Variants in NKAIN3 observed in about 807,000 individuals in gnomAD.
NKAIN3 encodes the protein sodium/potassium transporting ATPase interacting 3.
A neutral mutation model predicts 30.2 loss-of-function variants in NKAIN3; 25 were observed. The ratio of observed to expected loss-of-function variants is 0.83; its 90% CI spans 0.60 to 1.16. NKAIN3 has a LOEUF of 1.16. NKAIN3 is among the 50% of genes most tolerant of loss of function. The pLI is 0.00. For missense variants in NKAIN3, 225 were observed against 254.1 expected (o/e 0.89, Z 0.78); for synonymous variants, 91 against 89.6 (o/e 1.02, Z -0.09).
intron 1 of NKAIN3, among the ~76,000 whole-genome samples, chr8:62,321,144 A>G (rs1814879277): frequency 6.6e-6 from 1 of 152,092 alleles, no homozygotes; most frequent in South Asian, 2.1e-4. Context: ...AGGCTTGTGC[A>G]TTTGTCACGT....
chr8:62,768,975 C>T (rs1451453406), intron 4 of NKAIN3, among the ~76,000 whole-genome samples: 4 of 152,130 alleles, frequency 2.6e-5, no homozygotes, highest in Non-Finnish European at 4.4e-5. Flanking sequence ...ATTTTCATTG[C>T]AATGTTGTGG....
At chr8:62,767,158 T>C (rs780466857) in intron 4 of NKAIN3, among the ~76,000 whole-genome samples, 2 of 152,152 alleles carry the variant, frequency 1.3e-5, no homozygotes, top group African/African-American at 2.4e-5. Context: ...TGGGTTCTCA[T>C]TAGGATGGAG....
chr8:62,763,588 G>A (rs780631158), intron 4 of NKAIN3, among the ~76,000 whole-genome samples: 1 of 152,120 alleles, frequency 6.6e-6, no homozygotes. Context: ...ACAATGAAAC[G>A]TGAACAATTA....
At chr8:62,505,910 T>C (rs1227162815) in intron 1 of NKAIN3, among the ~76,000 whole-genome samples, 1 of 152,164 alleles carries the variant, frequency 6.6e-6, no homozygotes, top group Non-Finnish European at 1.5e-5. Context: ...GATTCTTTTA[T>C]GGTGACTCAA....
chr8:62,406,128 CT>C (rs1304297327), intron 1 of NKAIN3, among the ~76,000 whole-genome samples: 1 of 152,208 alleles, frequency 6.6e-6, no homozygotes, highest in Non-Finnish European at 1.5e-5. Context: ...AGAGAAGTCA[CT>C]CCTTATACTT....
At chr8:62,958,863 C>G (rs1823492833) in intron 6 of NKAIN3, among the ~76,000 whole-genome samples, 2 of 152,136 alleles carry the variant, frequency 1.3e-5, no homozygotes, top group South Asian at 4.1e-4. Context: ...AGGACAGCAG[C>G]TGGAATTCCA....
At chr8:62,853,444 G>A (rs1819970913) in intron 4 of NKAIN3, among the ~76,000 whole-genome samples, 1 of 151,990 alleles carries the variant, frequency 6.6e-6, no homozygotes, top group Admixed American at 6.6e-5. Flanking sequence ...GGAGCACTTA[G>A]CCCATTTAGA....
At chr8:62,460,994 G>A (rs1262865960) in intron 1 of NKAIN3, among the ~76,000 whole-genome samples, 1 of 152,208 alleles carries the variant, frequency 6.6e-6, no homozygotes, top group Non-Finnish European at 1.5e-5. Context: ...GACATACACA[G>A]GTATAAGGCT....
chr8:62,272,977 T>C lies in NKAIN3; in HGVS notation c.54+23850T>C, dbSNP rs527247487. 3.9e-5 allele frequency among the ~76,000 whole-genome samples: 6 copies of C among 152,294 alleles called. No individual in the cohort carries two copies. The South Asian group carries it at 8.3e-4, about 21-fold the overall frequency. ...TGGTTAAGGGCCAGATAGCAAATAC[T>C]TTAGATACCAAAGGTCATTCAGTCT... On this transcript the variant is annotated intron_variant, in intron 1 of 6. Coordinates refer to ENST00000623646, the MANE Select transcript of NKAIN3 (RefSeq NM_001304533.3).
At chr8:62,697,053 T>C (rs2130457845) in intron 3 of NKAIN3, among the ~76,000 whole-genome samples, 2 of 152,330 alleles carry the variant, frequency 1.3e-5, no homozygotes, top group Admixed American at 1.3e-4. Context: ...CTGAATCTTT[T>C]CATGCTTGCC....
intron 1 of NKAIN3, among the ~76,000 whole-genome samples, chr8:62,521,270 C>T (rs768924429): frequency 6.6e-6 from 1 of 152,088 alleles, no homozygotes; most frequent in Admixed American, 6.6e-5. Context: ...AAAGGCCACA[C>T]TGCCAGCTGT....
intron 3 of NKAIN3, among the ~76,000 whole-genome samples, chr8:62,602,554 A>T (rs373781063): frequency 6.6e-6 from 1 of 152,208 alleles, no homozygotes; most frequent in Admixed American, 6.5e-5. Flanking sequence ...CTATGACAAC[A>T]TTGGTCATAA....
intron 4 of NKAIN3, among the ~76,000 whole-genome samples, chr8:62,809,786 C>T (rs1195434279): frequency 9.9e-5 from 15 of 152,130 alleles, no homozygotes; most frequent in Admixed American, 9.8e-4. Context: ...AAACTGAAGC[C>T]CGTGGTGGTC....
intron 2 of NKAIN3, among the ~76,000 whole-genome samples, chr8:62,581,753 C>T (rs4422765): frequency 5.0e-5 from 6 of 120,528 alleles, no homozygotes; most frequent in Admixed American, 2.6e-4. Flanking sequence ...CCATCCATCC[C>T]TTCTTTCCTT....
At chr8:62,732,915 T>C (rs1436293971) in intron 3 of NKAIN3, among the ~76,000 whole-genome samples, 2 of 152,114 alleles carry the variant, frequency 1.3e-5, no homozygotes, top group Admixed American at 1.3e-4. Flanking sequence ...AGTTGTAGAA[T>C]TAGTCAAATA....
chr8:62,325,834 G>T (rs529715570), intron 1 of NKAIN3, among the ~76,000 whole-genome samples: 1 of 151,924 alleles, frequency 6.6e-6, no homozygotes, highest in South Asian at 2.1e-4. Flanking sequence ...TTTGAGAATT[G>T]TCTATTCATG....
chr8:62,316,175 A>T (rs1814619069), intron 1 of NKAIN3, among the ~76,000 whole-genome samples: 1 of 152,138 alleles, frequency 6.6e-6, no homozygotes, highest in Non-Finnish European at 1.5e-5. Context: ...CTGTGGGTCA[A>T]TTTAACCTCT....
At chr8:62,985,117 A>G (rs1456650533), downstream of NKAIN3, among the ~76,000 whole-genome samples, 8 of 152,174 alleles carry the variant, frequency 5.3e-5, no homozygotes, top group African/African-American at 1.4e-4. Flanking sequence ...GAGCGTTTAA[A>G]TGTTCTGCAA....
At chr8:62,665,162 C>A (rs1286396144) in intron 3 of NKAIN3, among the ~76,000 whole-genome samples, 2 of 152,146 alleles carry the variant, frequency 1.3e-5, no homozygotes, top group Non-Finnish European at 1.5e-5. Flanking sequence ...TGCACATACA[C>A]ATAATAGGTT....
Sources: allele counts gnomAD v4.1 joint callset (sites outside exome capture counted in the v4.1 genomes callset), GRCh38; gene constraint gnomAD v4.1.1; transcripts MANE v1.5; gene names NCBI Gene and HGNC (gene_info 2026-07-23, HGNC 2026-07-21).